Variants in CDC45 observed in about 807,000 individuals in gnomAD.
CDC45 encodes cell division cycle 45.
CDC45 carries 54 observed loss-of-function variants against 77.8 expected under a neutral mutation model. The observed-to-expected ratio is 0.69, with a 90% CI of 0.56 to 0.87. The LOEUF is 0.87. Among genes scored for constraint, CDC45 ranks in the 40% least tolerant of loss-of-function variants. The probability of loss-of-function intolerance (pLI) is 0.00; values close to 1 mark genes in which losing one functional copy is unlikely to be tolerated. For synonymous variants in CDC45, 260 were observed against 272.1 expected (o/e 0.96, Z 0.44); for missense variants, 649 against 721.6 (o/e 0.90, Z 1.15).
rs2089954328 is a variant in CDC45 at position 19,480,231 on chromosome 22, ACCCTAG to A, written c.111+15_111+20del. The A allele has an allele frequency of 6.2e-7, 1 of 1,612,298 alleles. No individual in the cohort carries two copies. The highest frequency in any genetic ancestry group is 1.3e-5 in the African/African-American group (1 of 74,718). On this transcript the variant is annotated intron_variant, in intron 2 of 18. Coordinates refer to ENST00000263201, the MANE Select transcript of CDC45 (RefSeq NM_003504.5). ...AAGATCCTTCAGGTGAGTTCTGCGG[ACCCTAG>A]GAGGGCGGGGCCGGCGCGCGAGGTG...
At position 19,483,923 on chromosome 22, in the gene CDC45, GGGATGAAGAGGA is replaced by G. The variant is rs1316501061; in HGVS notation, c.415_426del (p.Glu139_Glu142del). The G allele has an allele frequency of 6.2e-7, 1 of 1,612,334 alleles. No individual in the cohort carries two copies. The highest frequency in any genetic ancestry group is 8.5e-7 in the Non-Finnish European group (1 of 1,178,668). On this transcript the variant is annotated inframe_deletion, in exon 5 of 19. Coordinates refer to ENST00000263201, the MANE Select transcript of CDC45 (RefSeq NM_003504.5). ...GTTCCCGCCTATGAAGACATCTTCA[GGGATGAAGAGGA>G]GGATGAAGAGCATTCAGGAAATGAC...
chr22:19,479,500 C>G (rs1356043953), upstream of CDC45: 1 of 582,354 alleles, frequency 1.7e-6, no homozygotes, highest in Non-Finnish European at 3.3e-6. Context: ...AGGACTCGGG[C>G]GGAACTAAGC....
rs776247390 is a variant in CDC45 at position 19,508,678 on chromosome 22, G to T, written c.1204G>T (p.Asp402Tyr). 3 of 1,614,086 alleles carry T rather than the reference G, an allele frequency of 1.9e-6. No homozygotes were observed. Among genetic ancestry groups the T allele is most frequent in the Admixed American group, 1.7e-5 (1 of 60,014 alleles). Residue 402 changes from aspartate to tyrosine, a missense_variant, in exon 13 of 19, where the codon GAC becomes TAC. Asp to Tyr is a radical substitution (Grantham distance 160). Coordinates refer to ENST00000263201, the MANE Select transcript of CDC45 (RefSeq NM_003504.5). The stretch of plus-strand genomic sequence containing the variant: ...GACAGATCACTTCATCCAGGCTCTG[G>T]ACAGCCTCTCCAGGTAGCAGGAGGG... ...SGTDHFIQAL[D>Y]SLSRSNLDKL...
At position 19,491,906 on chromosome 22, in the gene CDC45, A is replaced by C. The variant is rs553757926; in HGVS notation, c.487-2421A>C. The stretch of plus-strand genomic sequence containing the variant: ...CCTGCAACCTCTGCCTCCTGGGTTC[A>C]AGCAATTCTGCCTCAGCCTCCTGAG... On this transcript the variant is annotated intron_variant, in intron 5 of 18. Transcript: ENST00000263201. 1.6e-3 allele frequency among the ~76,000 whole-genome samples: 240 copies of C among 151,750 alleles called. 3 individuals carry two copies. The highest frequency in any genetic ancestry group is 5.4e-3 in the African/African-American group (222 of 41,338).
intron 9 of CDC45, among the ~76,000 whole-genome samples, chr22:19,501,518 A>AT (rs1423785664): frequency 6.6e-6 from 1 of 152,088 alleles, no homozygotes; most frequent in Non-Finnish European, 1.5e-5. Context: ...ATCTTGTGAC[A>AT]TATTATAACC....
At chr22:19,503,462 A>T (rs1353597496) in intron 9 of CDC45, among the ~76,000 whole-genome samples, 2 of 152,174 alleles carry the variant, frequency 1.3e-5, no homozygotes, top group Non-Finnish European at 2.9e-5. Context: ...TGATCTACTC[A>T]AAGTTGGGAG....
At chr22:19,495,688 G>A (rs543199381) in intron 6 of CDC45, among the ~76,000 whole-genome samples, 3 of 152,250 alleles carry the variant, frequency 2.0e-5, no homozygotes, top group South Asian at 2.1e-4. Context: ...TGGGTGTAGT[G>A]GCACATGCCT....
chr22:19,498,917 C>T (rs995698472), intron 8 of CDC45, among the ~76,000 whole-genome samples, 184 bp from the exon 9 acceptor site: 1 of 152,186 alleles, frequency 6.6e-6, no homozygotes, highest in Non-Finnish European at 1.5e-5. Context: ...CCCAATTACC[C>T]TTCTAACCTC....
At chr22:19,489,615 T>C (rs1459163229) in intron 5 of CDC45, among the ~76,000 whole-genome samples, 1 of 152,242 alleles carries the variant, frequency 6.6e-6, no homozygotes, top group Non-Finnish European at 1.5e-5. Flanking sequence ...TTTCAGTGTA[T>C]AAATTTTCTG....
chr22:19,516,617 C>G lies in CDC45; in HGVS notation c.1531C>G (p.Pro511Ala). The change falls in exon 16 of 19, where the codon CCA (proline) becomes GCA (alanine). Residue 511 changes from proline to alanine, a missense_variant. Pro to Ala is a conservative substitution (Grantham distance 27). Transcript: ENST00000263201. The stretch of plus-strand genomic sequence containing the variant: ...CACAGTGACCGTGGTGGGCATCCCC[C>G]CAGAGACCGACAGCTCGGACAGGAA... The part of the protein sequence containing the change: ...HGTVTVVGIP[P>A]ETDSSDRKNF... 6.2e-7 allele frequency: 1 copy of G among 1,613,982 alleles called. No individual in the cohort carries two copies. The highest frequency in any genetic ancestry group is 8.5e-7 in the Non-Finnish European group (1 of 1,179,906).
At chr22:19,507,280 G>C in intron 10 of CDC45, 106 bp from the exon 11 acceptor site, 1 of 1,387,100 alleles carries the variant, frequency 7.2e-7, no homozygotes. Flanking sequence ...TTGCAGGCAG[G>C]CCTGGTGAGA....
At chr22:19,512,427 C>T (rs1166837783) in intron 13 of CDC45, among the ~76,000 whole-genome samples, 2 of 152,186 alleles carry the variant, frequency 1.3e-5, no homozygotes, top group Non-Finnish European at 2.9e-5. Context: ...TACCTGCTTA[C>T]ACTTTGGGGT....
At chr22:19,491,368 C>T (rs963198515) in intron 5 of CDC45, among the ~76,000 whole-genome samples, 6 of 151,506 alleles carry the variant, frequency 4.0e-5, no homozygotes, top group Admixed American at 3.9e-4. Context: ...CTCCTTTAAC[C>T]GTTCCTTTGG....
chr22:19,480,081 G>T (rs1393217443), intron 1 of CDC45, 62 bp downstream of exon 1: 18 of 1,611,880 alleles, frequency 1.1e-5, no homozygotes, highest in Admixed American at 1.7e-5. Flanking sequence ...GAGGGGGAGC[G>T]ACCGTGGGTG....
chr22:19,498,153 G>A (rs912728001), intron 8 of CDC45, among the ~76,000 whole-genome samples: 6 of 152,148 alleles, frequency 3.9e-5, no homozygotes, highest in African/African-American at 1.2e-4. Flanking sequence ...CAGCCTGGGC[G>A]ACAAGAATGA....
chr22:19,483,410 C>T (rs1305998656), intron 4 of CDC45, among the ~76,000 whole-genome samples: 4 of 151,990 alleles, frequency 2.6e-5, no homozygotes, highest in East Asian at 1.9e-4. Flanking sequence ...CCAGCTTGGG[C>T]GACAGAGCGA....
chr22:19,499,034 C>A, intron 8 of CDC45, 67 bp from the exon 9 acceptor site: 1 of 1,523,954 alleles, frequency 6.6e-7, no homozygotes, highest in South Asian at 1.1e-5. Flanking sequence ...TCATCTCACT[C>A]CATCCCCCAG....
intron 9 of CDC45, among the ~76,000 whole-genome samples, chr22:19,504,813 G>A (rs1933068312): frequency 6.6e-6 from 1 of 152,176 alleles, no homozygotes; most frequent in Admixed American, 6.5e-5. Flanking sequence ...ATTTCCTAAG[G>A]TTCAAGTTGT....
rs556007762 is a variant in CDC45 at position 19,518,726 on chromosome 22, C to T, written c.1637-118C>T. On this transcript the variant is annotated intron_variant, in intron 17 of 18. Coordinates refer to ENST00000263201, the MANE Select transcript of CDC45 (RefSeq NM_003504.5). Reference sequence around the variant, plus strand: ...CCACTGAGTGCAGAATACCACAGGCCGGGAGGAGCCGCGCACTTTGGAATG... The same window carrying T: ...CCACTGAGTGCAGAATACCACAGGCTGGGAGGAGCCGCGCACTTTGGAATG... 72 of 777,764 alleles carry T rather than the reference C, an allele frequency of 9.3e-5. 1 individual carries two copies. Among genetic ancestry groups the T allele is most frequent in the South Asian group, 8.3e-4 (56 of 67,586 alleles). 48.2% of individuals were successfully genotyped at this position (777,764 alleles called of 1,614,324 possible).
Sources: gnomAD v4.1 joint callset for allele counts (sites outside exome capture counted in the v4.1 genomes callset) on GRCh38, gnomAD v4.1.1 for gene constraint, MANE v1.5 for transcripts, NCBI Gene and HGNC (gene_info 2026-07-23, HGNC 2026-07-21) for gene names.